The following MTRF1 variants were observed in gnomAD, a reference collection of about 807,000 sequenced individuals.
MTRF1 encodes peptide chain release factor 1, mitochondrial.
A neutral mutation model predicts 62.9 loss-of-function variants in MTRF1; 51 were observed. The ratio of observed to expected loss-of-function variants is 0.81; its 90% CI spans 0.65 to 1.02. The LOEUF is 1.02. Ranked by LOEUF, MTRF1 falls within the 50% of genes least tolerant of loss-of-function variation. MTRF1 has a pLI of 0.00. For synonymous variants in MTRF1, 158 were observed against 181.9 expected, an observed-to-expected ratio of 0.87 and a Z score of 1.06; for missense variants, 446 against 530.0, an observed-to-expected ratio of 0.84 and a Z score of 1.56.
At chr13:41,296,499 T>C in the MTRF1 span, among the ~76,000 whole-genome samples, 1 of 152,188 alleles carries the variant, frequency 6.6e-6, no homozygotes, top group Non-Finnish European at 1.5e-5. Flanking sequence ...GTTGGGCCCC[T>C]GGAAACATCA....
At chr13:41,249,531 ACT>A (rs1449729144) in intron 5 of MTRF1, among the ~76,000 whole-genome samples, 3 of 151,530 alleles carry the variant, frequency 2.0e-5, no homozygotes, top group African/African-American at 7.3e-5. Flanking sequence ...ACAGAGTGAA[ACT>A]CTGCCTCAAA....
intron 1 of MTRF1, chr13:41,261,835 G>A (rs2040482396): frequency 1.0e-5 from 10 of 980,250 alleles, no homozygotes; most frequent in Non-Finnish European, 1.2e-5. Flanking sequence ...CCTAAAGGAA[G>A]AAAAGTTCAA....
At chr13:41,307,264 A>G in the MTRF1 span, among the ~76,000 whole-genome samples, 6 of 152,032 alleles carry the variant, frequency 3.9e-5, no homozygotes, top group African/African-American at 1.5e-4. Context: ...TGACTGGATC[A>G]TGGGGACAGA....
At chr13:41,271,972 C>A in the MTRF1 span, among the ~76,000 whole-genome samples, 28 of 152,006 alleles carry the variant, frequency 1.8e-4, no homozygotes, top group Non-Finnish European at 3.7e-4. Flanking sequence ...GAGAAAAAAA[C>A]AAAAAACACA....
the MTRF1 span, among the ~76,000 whole-genome samples, chr13:41,298,350 T>A: frequency 0.28 from 312 of 1,106 alleles, 3 homozygotes; most frequent in African/African-American, 0.39. Flanking sequence ...TACGAAGTTT[T>A]AGTTAAGGAG....
the MTRF1 span, among the ~76,000 whole-genome samples, chr13:41,308,429 T>C: frequency 1.8e-4 from 27 of 152,224 alleles, no homozygotes; most frequent in Non-Finnish European, 2.6e-4. Context: ...CTTCTGATGA[T>C]GTAGATAAAT....
Position 41,241,194 on chromosome 13 carries a change from A to G in MTRF1, c.698-761T>C, listed in dbSNP as rs1252096332. Among the ~76,000 whole-genome samples, 4 of 152,118 alleles carry G rather than the reference A, an allele frequency of 2.6e-5. No homozygotes were observed. The East Asian group carries it at 7.8e-4, about 29-fold the overall frequency. On this transcript the variant is annotated intron_variant, in intron 5 of 9. Coordinates refer to ENST00000379480, the MANE Select transcript of MTRF1 (RefSeq NM_004294.4). ...TGAGTGGCTAGGATTACAGGCACCC[A>G]CCACCACGTCCGGCTAATTTTTTGT...
intron 9 of MTRF1, among the ~76,000 whole-genome samples, chr13:41,221,444 C>G (rs566381016): frequency 6.6e-6 from 1 of 152,282 alleles, no homozygotes; most frequent in Admixed American, 6.5e-5. Flanking sequence ...AGGCGTGAGC[C>G]ACCGTGCCCA....
chr13:41,218,021 T>C lies in MTRF1; in HGVS notation c.1225-793A>G, dbSNP rs74427530. Among the ~76,000 whole-genome samples the C allele has an allele frequency of 5.3e-5, 8 of 152,314 alleles. No individual in the cohort carries two copies. The East Asian group carries it at 9.6e-4, about 18-fold the overall frequency. On this transcript the variant is annotated intron_variant, in intron 9 of 9. Transcript: ENST00000379480. ...ATGGTTCAAGAGCAACACAGGTTTA[T>C]AGAGAGACAGAGGAAATGGTGGGGG...
intron 7 of MTRF1, among the ~76,000 whole-genome samples, chr13:41,228,307 C>T (rs1040432592): frequency 2.6e-5 from 4 of 152,136 alleles, no homozygotes; most frequent in Admixed American, 6.6e-5. Flanking sequence ...TGGCTCACAC[C>T]GGCAACCCCA....
chr13:41,240,807 AACT>A (rs2037387673), intron 5 of MTRF1, among the ~76,000 whole-genome samples: 1 of 152,166 alleles, frequency 6.6e-6, no homozygotes, highest in South Asian at 2.1e-4. Flanking sequence ...AATAAGGGAA[AACT>A]ACTATTAGAA....
chr13:41,261,877 AAAAGCTCT>A (rs1161576170), intron 1 of MTRF1: 1 of 666,936 alleles, frequency 1.5e-6, no homozygotes, highest in Non-Finnish European at 1.9e-6. Context: ...AGGGCTGGTG[AAAAGCTCT>A]ACAGTTATAT....
At chr13:41,285,137 T>C in the MTRF1 span, among the ~76,000 whole-genome samples, 2 of 152,334 alleles carry the variant, frequency 1.3e-5, no homozygotes, top group Non-Finnish European at 2.9e-5. Flanking sequence ...GTTTTACTTA[T>C]TGTCTGGCAT....
chr13:41,241,249 T>C (rs2037453546), intron 5 of MTRF1, among the ~76,000 whole-genome samples: 1 of 152,210 alleles, frequency 6.6e-6, no homozygotes, highest in Non-Finnish European at 1.5e-5. Flanking sequence ...TTTCACTATG[T>C]TGGCCAGGAT....
chr13:41,292,457 T>C, the MTRF1 span, among the ~76,000 whole-genome samples: 86 of 151,722 alleles, frequency 5.7e-4, 2 homozygotes, highest in South Asian at 0.017. Context: ...GGTGGGTGCC[T>C]GTAATCCCAG....
At chr13:41,252,096 T>C (rs1163503685) in intron 5 of MTRF1, among the ~76,000 whole-genome samples, 2 of 152,152 alleles carry the variant, frequency 1.3e-5, no homozygotes, top group African/African-American at 4.8e-5. Context: ...GCCAGGCTGG[T>C]CTCAAACTCC....
At chr13:41,241,731 T>C (rs369080472) in intron 5 of MTRF1, among the ~76,000 whole-genome samples, 11 of 152,368 alleles carry the variant, frequency 7.2e-5, no homozygotes, top group African/African-American at 2.4e-4. Flanking sequence ...TGCTGACCTG[T>C]AGAATTTCCA....
At chr13:41,217,328 A>G (rs2032087349) in intron 9 of MTRF1, 100 bp from the exon 10 acceptor site, 2 of 657,176 alleles carry the variant, frequency 3.0e-6, no homozygotes, top group Non-Finnish European at 2.6e-6. Context: ...TTATTTAATA[A>G]CAATAAAGGA....
chr13:41,267,632 G>A (rs1378188767), upstream of MTRF1, among the ~76,000 whole-genome samples: 1 of 152,186 alleles, frequency 6.6e-6, no homozygotes, highest in East Asian at 1.9e-4. Context: ...ACTTTAGGGA[G>A]CCAAGGTGGG....
Sources: gnomAD v4.1 joint callset for allele counts (sites outside exome capture counted in the v4.1 genomes callset) on GRCh38, gnomAD v4.1.1 for gene constraint, MANE v1.5 for transcripts, NCBI Gene and HGNC (gene_info 2026-07-23, HGNC 2026-07-21) for gene names.